Variants in HMBOX1 observed in about 807,000 individuals in gnomAD.
The protein encoded by HMBOX1 is homeobox containing 1, also known as homeobox-containing protein 1.
Under a neutral mutation model 54.5 loss-of-function variants are expected in HMBOX1, and 14 were observed. The observed-to-expected ratio is 0.26, with a 90% CI of 0.17 to 0.40. HMBOX1 has a LOEUF of 0.40. Ranked by LOEUF, HMBOX1 falls within the 10% of genes least tolerant of loss-of-function variation. The pLI, the probability that HMBOX1 is intolerant of heterozygous loss-of-function variation, is 1.00. For missense variants in HMBOX1, 332 were observed against 514.4 expected, an observed-to-expected ratio of 0.65 and a Z score of 3.43; for synonymous variants, 160 against 181.0, an observed-to-expected ratio of 0.88 and a Z score of 0.93.
In HMBOX1 at chr8:29,051,244, A is replaced by G. The variant is rs185761956; in HGVS notation, c.*89A>G. The stretch of plus-strand genomic sequence containing the variant: ...GGTCCTTAACATGTGTTCTTACAGT[A>G]TAACTTGCAGTTTCTTGTATGTCAG... On this transcript the variant is annotated 3_prime_UTR_variant, in exon 10 of 10. Coordinates refer to ENST00000287701, the MANE Select transcript of HMBOX1 (RefSeq NM_001135726.3). 23 of 1,433,074 alleles carry G rather than the reference A, an allele frequency of 1.6e-5. No individual in the cohort carries two copies. The highest frequency in any genetic ancestry group is 1.1e-5 in the Non-Finnish European group (12 of 1,044,390). The allele number at this position is 1,433,074 out of a possible 1,614,324, so 88.8% of individuals were successfully genotyped here. A position where few individuals can be genotyped will look rare whatever the true frequency, so the allele number is the denominator to read the frequency against.
intron 5 of HMBOX1, chr8:29,010,043 T>C (rs1377033137): frequency 3.0e-6 from 3 of 984,632 alleles, no homozygotes; most frequent in Non-Finnish European, 3.6e-6. Context: ...CATAGAGATG[T>C]ATTTTTGTGT....
At chr8:28,937,846 C>T (rs1313709406) in intron 1 of HMBOX1, among the ~76,000 whole-genome samples, 1 of 151,962 alleles carries the variant, frequency 6.6e-6, no homozygotes, top group Non-Finnish European at 1.5e-5. Context: ...ATGTGTCTGC[C>T]ATCTATTCAT....
chr8:28,919,147 A>G (rs763034793), intron 1 of HMBOX1, among the ~76,000 whole-genome samples: 3 of 152,164 alleles, frequency 2.0e-5, no homozygotes, highest in East Asian at 1.9e-4. Flanking sequence ...ACTGTACACT[A>G]TGTTTTTGAC....
chr8:28,913,175 C>A (rs1300690647), intron 1 of HMBOX1, among the ~76,000 whole-genome samples: 1 of 152,196 alleles, frequency 6.6e-6, no homozygotes, highest in African/African-American at 2.4e-5. Context: ...CCCTCTTTCC[C>A]CACGGGATAG....
At chr8:28,913,246 A>G (rs531005656) in intron 1 of HMBOX1, among the ~76,000 whole-genome samples, 16 of 152,192 alleles carry the variant, frequency 1.1e-4, no homozygotes, top group Non-Finnish European at 2.4e-4. Flanking sequence ...TAAAGTCCAA[A>G]CTATTTAATA....
Position 29,051,776 on chromosome 8 carries a change from T to C in HMBOX1, c.*621T>C. 1.7e-6 allele frequency: 1 copy of C among 576,800 alleles called. No individual in the cohort carries two copies. The highest frequency in any genetic ancestry group is 3.2e-6 in the Non-Finnish European group (1 of 313,714). 35.7% of individuals were successfully genotyped at this position (576,800 alleles called of 1,614,324 possible). The stretch of plus-strand genomic sequence containing the variant: ...GAAAAAGCCGATCTCAGATTTTGTT[T>C]GAAGTTAACATGCCTGACACAGACA... On this transcript the variant is annotated 3_prime_UTR_variant, in exon 10 of 10. Coordinates refer to ENST00000287701, the MANE Select transcript of HMBOX1 (RefSeq NM_001135726.3).
chr8:29,014,337 TC>T (rs1834680810), intron 5 of HMBOX1, among the ~76,000 whole-genome samples: 1 of 152,164 alleles, frequency 6.6e-6, no homozygotes, highest in African/African-American at 2.4e-5. Context: ...AACCCAGAAT[TC>T]CTGTATTTTA....
At chr8:28,898,310 A>G (rs1812561758) in intron 1 of HMBOX1, among the ~76,000 whole-genome samples, 1 of 152,214 alleles carries the variant, frequency 6.6e-6, no homozygotes. Flanking sequence ...TTCCTGATAA[A>G]TAAGATTCAT....
intron 1 of HMBOX1, among the ~76,000 whole-genome samples, chr8:28,898,373 ATTTTTT>A: frequency 6.6e-6 from 1 of 152,060 alleles, no homozygotes; most frequent in African/African-American, 2.4e-5. Context: ...TGGTAGAATT[ATTTTTT>A]CCTCCTTGGA....
chr8:29,009,876 C>T (rs1002732654), intron 5 of HMBOX1: 9 of 1,145,666 alleles, frequency 7.9e-6, no homozygotes, highest in Middle Eastern at 3.9e-4. Flanking sequence ...CTATACTTTA[C>T]ACAGGCAAGT....
At position 29,051,808 on chromosome 8, in the gene HMBOX1, C is replaced by T. The variant is rs1806454755; in HGVS notation, c.*653C>T. 1 of 514,424 alleles carries T rather than the reference C, an allele frequency of 1.9e-6. No individual in the cohort carries two copies. Among genetic ancestry groups the T allele is most frequent in the South Asian group, 2.9e-5 (1 of 34,220 alleles). The allele number at this position is 514,424 out of a possible 1,614,324, so 31.9% of individuals were successfully genotyped here. A position where few individuals can be genotyped will look rare whatever the true frequency, so the allele number is the denominator to read the frequency against. On this transcript the variant is annotated 3_prime_UTR_variant, in exon 10 of 10. Transcript: ENST00000287701. ...AACATGCCTGACACAGACATCCTTT[C>T]CTCTCACAAGCTGTGTGACTTAGTA...
At chr8:28,949,254 A>G (rs866627635) in intron 1 of HMBOX1, among the ~76,000 whole-genome samples, 1 of 152,186 alleles carries the variant, frequency 6.6e-6, no homozygotes, top group Non-Finnish European at 1.5e-5. Context: ...GCTAAGCAAC[A>G]TAGAGATGTT....
intron 5 of HMBOX1, among the ~76,000 whole-genome samples, chr8:29,011,421 T>C (rs575170380): frequency 2.6e-5 from 4 of 152,370 alleles, no homozygotes; most frequent in African/African-American, 7.2e-5. Flanking sequence ...ATGAATATCC[T>C]TTCCTGCAAC....
At chr8:29,033,968 T>C (rs914310527) in intron 6 of HMBOX1, among the ~76,000 whole-genome samples, 1 of 152,190 alleles carries the variant, frequency 6.6e-6, no homozygotes, top group Non-Finnish European at 1.5e-5. Context: ...CAAGCAAATA[T>C]TTATTGAGCT....
At chr8:28,946,584 A>G (rs1586002427) in intron 1 of HMBOX1, among the ~76,000 whole-genome samples, 1 of 126,180 alleles carries the variant, frequency 7.9e-6, no homozygotes, top group Non-Finnish European at 1.9e-5. Context: ...AAAAAAAAAT[A>G]TATACAATTG....
In HMBOX1 at chr8:28,960,165, A is replaced by G. The variant is rs148789339; in HGVS notation, c.-57-3646A>G. 2.3e-3 allele frequency among the ~76,000 whole-genome samples: 343 copies of G among 149,324 alleles called. 1 individual carries two copies. The highest frequency in any genetic ancestry group is 8.4e-3 in the African/African-American group (327 of 38,984). On this transcript the variant is annotated intron_variant, in intron 1 of 9. Transcript: ENST00000287701. ...CCATTTTTCTAGCTTATTTTGGTGT[A>G]CAGTATTTTATTTTTCTATTTTTTA...
At chr8:28,997,464 A>C (rs1234406126) in intron 4 of HMBOX1, among the ~76,000 whole-genome samples, 1 of 152,130 alleles carries the variant, frequency 6.6e-6, no homozygotes, top group African/African-American at 2.4e-5. Context: ...ATGGTTTATA[A>C]TCCTTTATAT....
chr8:29,002,649 G>A (rs1832826797), intron 4 of HMBOX1, among the ~76,000 whole-genome samples: 1 of 151,992 alleles, frequency 6.6e-6, no homozygotes, highest in Non-Finnish European at 1.5e-5. Context: ...GGACTCTTTC[G>A]AGAACCTCAT....
At chr8:29,024,990 A>G (rs1297370823) in intron 6 of HMBOX1, among the ~76,000 whole-genome samples, 1 of 152,090 alleles carries the variant, frequency 6.6e-6, no homozygotes, top group Non-Finnish European at 1.5e-5. Flanking sequence ...CGGTGGAAAA[A>G]TTGTCTTCCA....
Sources: allele counts gnomAD v4.1 joint callset (sites outside exome capture counted in the v4.1 genomes callset), GRCh38; gene constraint gnomAD v4.1.1; transcripts MANE v1.5; gene names NCBI Gene and HGNC (gene_info 2026-07-23, HGNC 2026-07-21).